The following MMP26 variants were observed in gnomAD, a reference collection of about 807,000 sequenced individuals.
The protein encoded by MMP26 is matrix metalloproteinase-26.
In MMP26, 33 loss-of-function variants were observed where a neutral mutation model predicts 31.0. The observed-to-expected ratio is 1.06, with a 90% CI of 0.81 to 1.42. The LOEUF (loss-of-function observed/expected upper bound fraction) is 1.42, where lower values mean the gene tolerates loss of function less well. Ranked by LOEUF, MMP26 falls within the 40% of genes most tolerant of loss-of-function variation. The probability of loss-of-function intolerance (pLI) is 0.00; values close to 1 mark genes in which losing one functional copy is unlikely to be tolerated. For missense variants in MMP26, 347 were observed against 316.1 expected, an observed-to-expected ratio of 1.10 and a Z score of -0.74; for synonymous variants, 122 against 114.9, an observed-to-expected ratio of 1.06 and a Z score of -0.40.
chr11:4,935,798 T>A (rs1851431309), intron 2 of MMP26, among the ~76,000 whole-genome samples: 1 of 151,766 alleles, frequency 6.6e-6, no homozygotes, highest in East Asian at 1.9e-4. Context: ...AGTTGTTGAA[T>A]TTTGTCAAAG....
chr11:4,882,569 C>T, intron 2 of MMP26: 1 of 1,613,892 alleles, frequency 6.2e-7, no homozygotes. Flanking sequence ...TGTCCTGATC[C>T]TCCGTACTGT....
At chr11:4,924,335 G>T (rs1318479625) in intron 2 of MMP26, 1 of 1,599,434 alleles carries the variant, frequency 6.3e-7, no homozygotes, top group Non-Finnish European at 8.5e-7. Flanking sequence ...AAGAAGAATT[G>T]TCATAGCTTT....
chr11:4,799,958 C>T (rs984078796), intron 2 of MMP26, among the ~76,000 whole-genome samples: 4 of 152,200 alleles, frequency 2.6e-5, no homozygotes, highest in African/African-American at 9.7e-5. Context: ...GGGAAGTCCA[C>T]CCCTGTAGCT....
chr11:4,828,974 G>C (rs539554347), intron 2 of MMP26, among the ~76,000 whole-genome samples: 11 of 152,198 alleles, frequency 7.2e-5, no homozygotes, highest in African/African-American at 2.6e-4. Context: ...CATCTGCCCG[G>C]GAGTTTCAGT....
At chr11:4,716,030 T>A (rs954724376) in intron 1 of MMP26, among the ~76,000 whole-genome samples, 2 of 152,188 alleles carry the variant, frequency 1.3e-5, no homozygotes, top group African/African-American at 2.4e-5. Context: ...ACCTAAGATG[T>A]CATATTGTGA....
At chr11:4,791,379 T>C (rs998089160) in intron 2 of MMP26, among the ~76,000 whole-genome samples, 1 of 152,174 alleles carries the variant, frequency 6.6e-6, no homozygotes, top group Non-Finnish European at 1.5e-5. Flanking sequence ...GAGGACTCTA[T>C]AACCCATCAT....
At chr11:4,714,105 C>G (rs1847895200) in intron 1 of MMP26, among the ~76,000 whole-genome samples, 1 of 152,128 alleles carries the variant, frequency 6.6e-6, no homozygotes, top group Non-Finnish European at 1.5e-5. Flanking sequence ...GGAAAACAGG[C>G]AGGAAAGAAC....
At chr11:4,730,002 G>A (rs1848152335) in intron 1 of MMP26, among the ~76,000 whole-genome samples, 1 of 134,324 alleles carries the variant, frequency 7.4e-6, no homozygotes, top group South Asian at 2.5e-4. Flanking sequence ...CATTTTTGTA[G>A]CTGGTCATGA....
At chr11:4,916,114 T>A (rs1284866116) in intron 2 of MMP26, among the ~76,000 whole-genome samples, 1 of 151,544 alleles carries the variant, frequency 6.6e-6, no homozygotes, top group African/African-American at 2.4e-5. Context: ...GTCAGGAGGT[T>A]GAGACCATCC....
intron 2 of MMP26, chr11:4,794,239 C>T (rs1849072743): frequency 1.3e-5 from 2 of 152,140 alleles, no homozygotes; most frequent in Admixed American, 6.5e-5. Context: ...CAAAAGGGCT[C>T]ATTCACAGTA....
At chr11:4,748,392 T>C (rs374992983) in intron 1 of MMP26, among the ~76,000 whole-genome samples, 24 of 152,090 alleles carry the variant, frequency 1.6e-4, no homozygotes, top group African/African-American at 5.3e-4. Flanking sequence ...CCAATCCAAC[T>C]AAAACTGTTC....
chr11:4,932,254 C>T (rs1851360737), intron 2 of MMP26, among the ~76,000 whole-genome samples: 1 of 152,054 alleles, frequency 6.6e-6, no homozygotes. Context: ...TAAACGGCAG[C>T]TCCAAATTAT....
intron 2 of MMP26, among the ~76,000 whole-genome samples, chr11:4,791,171 A>G (rs1368816): frequency 0.26 from 38,818 of 152,070 alleles, 5,658 homozygotes; most frequent in African/African-American, 0.4. Context: ...CTGAGAATCT[A>G]CCACAGGAGG....
At chr11:4,780,842 G>T (rs71480715) in intron 2 of MMP26, among the ~76,000 whole-genome samples, 14,220 of 151,152 alleles carry the variant, frequency 0.094, 829 homozygotes, top group Middle Eastern at 0.15. Flanking sequence ...AACATATATT[G>T]ATAAATATAT....
chr11:4,938,157 G>A (rs1426681900), intron 2 of MMP26: 5 of 151,972 alleles, frequency 3.3e-5, no homozygotes, highest in Non-Finnish European at 7.4e-5. Flanking sequence ...AAAAGAGGAC[G>A]GTAAAATTAC....
At chr11:4,937,169 T>C (rs1846132073) in intron 2 of MMP26, among the ~76,000 whole-genome samples, 1 of 152,144 alleles carries the variant, frequency 6.6e-6, no homozygotes, top group African/African-American at 2.4e-5. Context: ...CTGAAGTACT[T>C]TTCACAAACT....
intron 2 of MMP26, among the ~76,000 whole-genome samples, chr11:4,910,202 A>T (rs1057378592): frequency 4.6e-5 from 7 of 152,054 alleles, no homozygotes; most frequent in Admixed American, 4.6e-4. Flanking sequence ...TTCTTGCCTC[A>T]TAGATCCCCT....
rs1589826935 is a variant in MMP26 at position 4,992,380 on chromosome 11, C to T, written c.*138C>T. The stretch of plus-strand genomic sequence containing the variant: ...TGCAACCTAGTCAGGTTAGCTGAAC[C>T]GACACTCAAAACGCTACTGAGTCAC... On this transcript the variant is annotated 3_prime_UTR_variant, in exon 8 of 8. Coordinates refer to ENST00000380390, the MANE Select transcript of MMP26 (RefSeq NM_021801.5). 9.4e-6 allele frequency: 7 copies of T among 746,782 alleles called. No homozygotes were observed. The highest frequency in any genetic ancestry group is 9.3e-5 in the South Asian group (5 of 53,832). 46.3% of individuals were successfully genotyped at this position (746,782 alleles called of 1,614,324 possible).
chr11:4,804,867 G>A (rs1340975528), intron 2 of MMP26, among the ~76,000 whole-genome samples: 1 of 151,632 alleles, frequency 6.6e-6, no homozygotes, highest in Non-Finnish European at 1.5e-5. Context: ...CTACTCAGGA[G>A]GCTGAGGAAG....
Sources: allele counts gnomAD v4.1 joint callset (sites outside exome capture counted in the v4.1 genomes callset), GRCh38; gene constraint gnomAD v4.1.1; transcripts MANE v1.5; gene names NCBI Gene and HGNC (gene_info 2026-07-23, HGNC 2026-07-21).